UNC13C: variants seen among roughly 807,000 people sequenced by gnomAD.
UNC13C encodes the protein protein unc-13 homolog C.
A neutral mutation model predicts 245.4 loss-of-function variants in UNC13C; 174 were observed. The ratio of observed to expected loss-of-function variants is 0.71; its 90% confidence interval spans 0.63 to 0.80. The LOEUF (loss-of-function observed/expected upper bound fraction) is 0.80. UNC13C is among the 30% of genes least tolerant of loss of function. UNC13C has a pLI of 0.00. For missense variants in UNC13C, 2,829 were observed against 2,602.9 expected, an observed-to-expected ratio of 1.09 and a Z score of -1.89; for synonymous variants, 992 against 895.1, an observed-to-expected ratio of 1.11 and a Z score of -1.93.
At chr15:54,298,606 G>A (rs191943255) in intron 12 of UNC13C, among the ~76,000 whole-genome samples, 1 of 152,236 alleles carries the variant, frequency 6.6e-6, no homozygotes, top group Non-Finnish European at 1.5e-5. Flanking sequence ...CTTGGAGAGA[G>A]GTAAACACCA....
At chr15:54,366,199 T>C (rs1316605591) in intron 17 of UNC13C, among the ~76,000 whole-genome samples, 1 of 152,212 alleles carries the variant, frequency 6.6e-6, no homozygotes, top group South Asian at 2.1e-4. Context: ...TTAGAATTTA[T>C]TGCAGACATT....
intron 19 of UNC13C, among the ~76,000 whole-genome samples, chr15:54,415,538 A>G (rs2040500932): frequency 6.6e-6 from 1 of 152,184 alleles, no homozygotes; most frequent in East Asian, 1.9e-4. Context: ...AGTGTAGAAA[A>G]GAGAAATACA....
intron 4 of UNC13C, among the ~76,000 whole-genome samples, chr15:54,200,771 A>C (rs1049970164): frequency 7.9e-5 from 12 of 152,214 alleles, no homozygotes; most frequent in African/African-American, 2.9e-4. Context: ...CTGGAGAAAC[A>C]AGAGCAATCC....
intron 4 of UNC13C, among the ~76,000 whole-genome samples, chr15:54,217,080 G>A (rs1328580390): frequency 6.6e-6 from 1 of 152,024 alleles, no homozygotes; most frequent in Non-Finnish European, 1.5e-5. Context: ...AGATGTGAGA[G>A]TCTGGAACAA....
At chr15:54,139,889 C>A (rs953071183) in intron 2 of UNC13C, among the ~76,000 whole-genome samples, 2 of 152,022 alleles carry the variant, frequency 1.3e-5, no homozygotes, top group African/African-American at 2.4e-5. Flanking sequence ...GATGAGGATA[C>A]AAATGAATAT....
chr15:54,073,694 C>T (rs1566991870), intron 2 of UNC13C, among the ~76,000 whole-genome samples: 1 of 152,014 alleles, frequency 6.6e-6, no homozygotes, highest in Non-Finnish European at 1.5e-5. Flanking sequence ...TGACAAGTAT[C>T]TGTCCACATC....
the UNC13C span, among the ~76,000 whole-genome samples, chr15:53,920,574 C>G: frequency 4.3e-3 from 659 of 152,008 alleles, 3 homozygotes; most frequent in Non-Finnish European, 7.8e-3. Context: ...AAATAAAAAG[C>G]AAAATTATAT....
chr15:54,567,401 C>G (rs1196934229), intron 29 of UNC13C, among the ~76,000 whole-genome samples: 1 of 152,100 alleles, frequency 6.6e-6, no homozygotes, highest in Non-Finnish European at 1.5e-5. Flanking sequence ...TGGCCGGAAG[C>G]TACCTTCCCT....
the UNC13C span, among the ~76,000 whole-genome samples, chr15:53,906,853 C>G: frequency 1.3e-5 from 2 of 152,168 alleles, no homozygotes; most frequent in African/African-American, 4.8e-5. Flanking sequence ...AAGCAAGGAC[C>G]TTCTTCACAT....
At chr15:54,234,316 T>G (rs2035632017) in intron 4 of UNC13C, among the ~76,000 whole-genome samples, 1 of 152,044 alleles carries the variant, frequency 6.6e-6, no homozygotes, top group Non-Finnish European at 1.5e-5. Context: ...AAACATCTTA[T>G]GGGTATTTTT....
At chr15:54,510,863 A>T (rs975808300) in intron 23 of UNC13C, among the ~76,000 whole-genome samples, 4 of 152,158 alleles carry the variant, frequency 2.6e-5, no homozygotes, top group African/African-American at 9.7e-5. Context: ...TACAGCAAAG[A>T]TTAAATGATT....
rs146365747 is a variant in UNC13C at position 54,175,366 on chromosome 15, T to C, written c.3071+31682T>C. On this transcript the variant is annotated intron_variant, in intron 4 of 32. Coordinates refer to ENST00000260323, the MANE Select transcript of UNC13C (RefSeq NM_001080534.3). ...AGCAGAAGCCATGGTGTCCAATCTGTCTCCAGTAGCACCACGTTATTTGCC... is the reference window on the plus strand; with the variant it reads ...AGCAGAAGCCATGGTGTCCAATCTGCCTCCAGTAGCACCACGTTATTTGCC... Among the ~76,000 whole-genome samples, 1,348 of 152,178 alleles carry C rather than the reference T, an allele frequency of 8.9e-3. 15 individuals carry two copies. Among genetic ancestry groups the C allele is most frequent in the Admixed American group, 0.015 (225 of 15,284 alleles).
intron 4 of UNC13C, among the ~76,000 whole-genome samples, chr15:54,226,610 G>A (rs1010104934): frequency 5.9e-5 from 9 of 152,182 alleles, no homozygotes; most frequent in Admixed American, 5.9e-4. Flanking sequence ...TCCTACACCA[G>A]CCAAGGACAA....
At chr15:54,515,199 C>A (rs982703029) in intron 24 of UNC13C, among the ~76,000 whole-genome samples, 8 of 151,998 alleles carry the variant, frequency 5.3e-5, no homozygotes, top group Non-Finnish European at 8.8e-5. Flanking sequence ...TTTTGGGAAT[C>A]ACTATACTAA....
At chr15:53,867,933 C>T in the UNC13C span, among the ~76,000 whole-genome samples, 2 of 152,106 alleles carry the variant, frequency 1.3e-5, no homozygotes, top group African/African-American at 2.4e-5. Context: ...CAGGCTCAGG[C>T]AATTCCTCTG....
intron 17 of UNC13C, among the ~76,000 whole-genome samples, chr15:54,378,275 G>A (rs993349001): frequency 6.6e-6 from 1 of 152,102 alleles, no homozygotes; most frequent in Non-Finnish European, 1.5e-5. Flanking sequence ...TTACTCCAGA[G>A]TTTGTTATCT....
At chr15:53,954,356 A>T in the UNC13C span, among the ~76,000 whole-genome samples, 1 of 152,236 alleles carries the variant, frequency 6.6e-6, no homozygotes, top group Admixed American at 6.5e-5. Flanking sequence ...GCAGTTTCAT[A>T]TGATGATAGA....
At chr15:54,347,789 T>C (rs1037164635) in intron 17 of UNC13C, among the ~76,000 whole-genome samples, 2 of 152,166 alleles carry the variant, frequency 1.3e-5, no homozygotes, top group Non-Finnish European at 2.9e-5. Flanking sequence ...CATGCACATA[T>C]ATGCTTAGTC....
chr15:54,366,250 A>G (rs2039362889), intron 17 of UNC13C, among the ~76,000 whole-genome samples: 2 of 152,184 alleles, frequency 1.3e-5, no homozygotes, highest in Admixed American at 6.5e-5. Context: ...TCTAGTTGCT[A>G]TATAACAGAT....
Sources: allele counts gnomAD v4.1 joint callset (sites outside exome capture counted in the v4.1 genomes callset), GRCh38; gene constraint gnomAD v4.1.1; transcripts MANE v1.5; gene names NCBI Gene and HGNC (gene_info 2026-07-23, HGNC 2026-07-21).